Variants in TAPT1 observed in about 807,000 individuals in gnomAD.
TAPT1 encodes the protein transmembrane anterior posterior transformation 1, also known as transmembrane anterior posterior transformation protein 1 homolog.
In TAPT1, 28 loss-of-function variants were observed where a neutral mutation model predicts 65.6. The observed-to-expected ratio is 0.43, with a 90% CI of 0.32 to 0.59. The LOEUF (loss-of-function observed/expected upper bound fraction) is 0.59. TAPT1 is among the 20% of genes least tolerant of loss of function. The pLI is 0.09. For missense variants in TAPT1, 563 were observed against 679.9 expected (o/e 0.83, Z 1.91); for synonymous variants, 278 against 245.2 (o/e 1.13, Z -1.25).
intron 3 of TAPT1, among the ~76,000 whole-genome samples, chr4:16,198,869 C>T (rs1248013227): frequency 6.6e-6 from 1 of 152,094 alleles, no homozygotes; most frequent in Non-Finnish European, 1.5e-5. Flanking sequence ...TTAACAATAG[C>T]TTTGTTTATG....
intron 1 of TAPT1, among the ~76,000 whole-genome samples, chr4:16,224,062 A>AGACT (rs1242808836): frequency 6.6e-6 from 1 of 152,114 alleles, no homozygotes; most frequent in Admixed American, 6.5e-5. Context: ...CAGTGGTGCT[A>AGACT]GACTCTCAGA....
chr4:16,191,273 G>C lies in TAPT1; in HGVS notation c.612+88C>G, dbSNP rs576845700. 8 of 1,341,440 alleles carry C rather than the reference G, an allele frequency of 6.0e-6. No individual in the cohort carries two copies. The Admixed American group carries it at 1.5e-4, about 25-fold the overall frequency. The allele number at this position is 1,341,440 out of a possible 1,614,324, so 83.1% of individuals were successfully genotyped here. On this transcript the variant is annotated intron_variant, in intron 4 of 13. Coordinates refer to ENST00000405303, the MANE Select transcript of TAPT1 (RefSeq NM_153365.3). ...AAGCACCATAACTAGAGTCGGTAGA[G>C]CATTCTTGACTCTCAGGTACCTTCA...
upstream of TAPT1, chr4:16,227,019 A>G (rs1390561956): frequency 2.2e-6 from 1 of 452,748 alleles, no homozygotes. Flanking sequence ...CCGGCTCCAG[A>G]TCACCGACCC....
At chr4:16,184,212 TATCATCATA>T (rs1748872250) in intron 7 of TAPT1, among the ~76,000 whole-genome samples, 1 of 150,870 alleles carries the variant, frequency 6.6e-6, no homozygotes, top group Admixed American at 6.6e-5. Context: ...CTCTTATTCC[TATCATCATA>T]AACGAATTTT....
chr4:16,164,939 T>C (rs958426963), intron 13 of TAPT1, among the ~76,000 whole-genome samples: 1 of 152,190 alleles, frequency 6.6e-6, no homozygotes, highest in Non-Finnish European at 1.5e-5. Context: ...CACTTTCAGG[T>C]AGGACTCCAG....
chr4:16,221,416 G>C (rs767426281), intron 1 of TAPT1, among the ~76,000 whole-genome samples: 1 of 152,124 alleles, frequency 6.6e-6, no homozygotes, highest in Admixed American at 6.5e-5. Context: ...GTGAGCCACC[G>C]CGCCCAGCCC....
chr4:16,214,570 G>A (rs1750828022), intron 1 of TAPT1: 1 of 152,180 alleles, frequency 6.6e-6, no homozygotes, highest in Admixed American at 6.5e-5. Context: ...CATCTCAGGT[G>A]AGAAAAACAA....
intron 2 of TAPT1, among the ~76,000 whole-genome samples, chr4:16,210,376 C>T (rs556944947): frequency 2.0e-5 from 3 of 152,318 alleles, no homozygotes; most frequent in African/African-American, 7.2e-5. Flanking sequence ...CAATCACCTC[C>T]TGCTGTGCAC....
At position 16,167,943 on chromosome 4, in the gene TAPT1, T is replaced by C. The variant is rs181180701; in HGVS notation, c.1314-1150A>G. On this transcript the variant is annotated intron_variant, in intron 12 of 13. Coordinates refer to ENST00000405303, the MANE Select transcript of TAPT1 (RefSeq NM_153365.3). ...AAAAGTTTCTGATTAAGAAAACACA[T>C]TAAATCTGTATTTCCTTAGGATACC... Among the ~76,000 whole-genome samples, 659 of 152,296 alleles carry C rather than the reference T, an allele frequency of 4.3e-3. 3 individuals carry two copies. Among genetic ancestry groups the C allele is most frequent in the Admixed American group, 7.4e-3 (113 of 15,298 alleles).
intron 12 of TAPT1, 166 bp from the exon 13 acceptor site, chr4:16,166,959 C>A: frequency 2.0e-6 from 1 of 488,068 alleles, no homozygotes; most frequent in Non-Finnish European, 3.5e-6. Context: ...GCCTCCTTGT[C>A]ACAAAGAAAA....
At chr4:16,210,622 A>G (rs1013409906) in intron 2 of TAPT1, among the ~76,000 whole-genome samples, 1 of 152,240 alleles carries the variant, frequency 6.6e-6, no homozygotes, top group Non-Finnish European at 1.5e-5. Flanking sequence ...ACAGCCAATC[A>G]ACTGTGAAGC....
chr4:16,217,153 G>T (rs111597409), intron 1 of TAPT1, among the ~76,000 whole-genome samples: 3,649 of 152,282 alleles, frequency 0.024, 142 homozygotes, highest in African/African-American at 0.082. Flanking sequence ...CTCAGGCAGA[G>T]TCTGTCCTTT....
chr4:16,221,121 C>CT (rs11414718), intron 1 of TAPT1, among the ~76,000 whole-genome samples: 64,083 of 150,728 alleles, frequency 0.43, 14,099 homozygotes, highest in African/African-American at 0.55. Context: ...TATATATATA[C>CT]TTTTTTTTTG....
chr4:16,180,572 T>C (rs1247211388), intron 7 of TAPT1, among the ~76,000 whole-genome samples: 1 of 152,208 alleles, frequency 6.6e-6, no homozygotes, highest in Non-Finnish European at 1.5e-5. Flanking sequence ...GCGCACCTCC[T>C]GTAAGCGCTC....
chr4:16,191,640 T>A (rs1307452971), intron 3 of TAPT1, 117 bp from the exon 4 acceptor site: 9 of 1,157,508 alleles, frequency 7.8e-6, no homozygotes, highest in Non-Finnish European at 9.4e-6. Flanking sequence ...ATTATGTTGA[T>A]CTTTTAAAAA....
intron 8 of TAPT1, among the ~76,000 whole-genome samples, chr4:16,178,532 TGA>T (rs1004592842): frequency 2.0e-5 from 3 of 152,208 alleles, no homozygotes; most frequent in African/African-American, 4.8e-5. Context: ...CTAAATTACT[TGA>T]GATACCTGAG....
rs183373594 is a variant in TAPT1, at chr4:16,176,502, C to T, written c.998-274G>A. ...CCTGAGATCAGGAGTTTGAGACCAG[C>T]CTGGCCAAAATGGTGAAACCCTGTC... On this transcript the variant is annotated intron_variant, in intron 8 of 13. Transcript: ENST00000405303. The T allele has an allele frequency of 1.8e-3, 372 of 207,686 alleles. 1 individual carries two copies. The highest frequency in any genetic ancestry group is 2.8e-3 in the Admixed American group (48 of 16,892). The allele number at this position is 207,686 out of a possible 1,614,324, so 12.9% of individuals were successfully genotyped here.
At chr4:16,197,969 T>C (rs1192604809) in intron 3 of TAPT1, among the ~76,000 whole-genome samples, 1 of 152,148 alleles carries the variant, frequency 6.6e-6, no homozygotes, top group Non-Finnish European at 1.5e-5. Context: ...GACATTAACT[T>C]TTAGGGAGGG....
At chr4:16,165,412 T>C (rs1489286523) in intron 13 of TAPT1, among the ~76,000 whole-genome samples, 1 of 151,156 alleles carries the variant, frequency 6.6e-6, no homozygotes, top group South Asian at 2.1e-4. Flanking sequence ...CTACTAAAAA[T>C]ACAAAAAATT....
Sources: gnomAD v4.1 joint callset for allele counts (sites outside exome capture counted in the v4.1 genomes callset) on GRCh38, gnomAD v4.1.1 for gene constraint, MANE v1.5 for transcripts, NCBI Gene and HGNC (gene_info 2026-07-23, HGNC 2026-07-21) for gene names.